Variants in IZUMO2 observed in about 807,000 individuals in gnomAD.
The protein encoded by IZUMO2 is izumo sperm-egg fusion protein 2.
A neutral mutation model predicts 31.2 loss-of-function variants in IZUMO2; 24 were observed. That is an observed-to-expected ratio of 0.77 (90% CI 0.56 to 1.08). The LOEUF (loss-of-function observed/expected upper bound fraction) is 1.08, where lower values mean the gene tolerates loss of function less well. Ranked by LOEUF, IZUMO2 falls within the 50% of genes least tolerant of loss-of-function variation. IZUMO2 has a pLI of 0.00. For missense variants in IZUMO2, 278 were observed against 274.0 expected, an observed-to-expected ratio of 1.01 and a Z score of -0.10; for synonymous variants, 144 against 117.3, an observed-to-expected ratio of 1.23 and a Z score of -1.47.
chr19:50,161,274 C>T (rs974218702), intron 2 of IZUMO2, among the ~76,000 whole-genome samples: 5 of 151,932 alleles, frequency 3.3e-5, no homozygotes, highest in Non-Finnish European at 5.9e-5. Flanking sequence ...ACAGGAGTGC[C>T]ACCATAGCTG....
At chr19:50,157,334 G>T (rs371089173) in intron 5 of IZUMO2, among the ~76,000 whole-genome samples, 5 of 143,712 alleles carry the variant, frequency 3.5e-5, no homozygotes, top group African/African-American at 1.3e-4. Context: ...ATGGAGTCTC[G>T]CATTGTCACC....
chr19:50,162,719 C>A lies in IZUMO2; in HGVS notation c.307+20G>T, dbSNP rs756968810. ...GAAAGAAGAGGGGTGCTGGAGAAGGCGTTCCCTCGTCTCTCCTACCTTTCA... is the reference window on the plus strand; with the variant it reads ...GAAAGAAGAGGGGTGCTGGAGAAGGAGTTCCCTCGTCTCTCCTACCTTTCA... On this transcript the variant is annotated intron_variant, in intron 2 of 6. Coordinates refer to ENST00000293405, the MANE Select transcript of IZUMO2 (RefSeq NM_152358.3). The A allele has an allele frequency of 3.7e-6, 6 of 1,600,150 alleles. No individual in the cohort carries two copies. The South Asian group carries it at 5.5e-5, about 15-fold the overall frequency.
chr19:50,157,200 A>C (rs528897608), intron 5 of IZUMO2, among the ~76,000 whole-genome samples: 162 of 152,252 alleles, frequency 1.1e-3, no homozygotes, highest in Non-Finnish European at 1.7e-3. Context: ...ACCCAAATGA[A>C]GTGAAGGAGT....
chr19:50,154,264 GTTTTTTTTTTTTTTTTT>G lies in IZUMO2; in HGVS notation c.623+319_623+335del, dbSNP rs71180675. Among the ~76,000 whole-genome samples the G allele has an allele frequency of 7.6e-5, 6 of 79,288 alleles. No individual in the cohort carries two copies. The East Asian group carries it at 9.6e-4, about 13-fold the overall frequency. 52.0% of individuals were successfully genotyped at this position (79,288 alleles called of 152,430 possible). A position where few individuals can be genotyped will look rare whatever the true frequency, so the allele number is the denominator to read the frequency against. ...GCATCCACCAAATATAACTTTTAGCGTTTTTTTTTTTTTTTTTTTTTTTTTTTTTTTTTAATGTAAGA... is the reference window on the plus strand; with the variant it reads ...GCATCCACCAAATATAACTTTTAGCGTTTTTTTTTTTTTTTTAATGTAAGA... On this transcript the variant is annotated intron_variant, in intron 6 of 6. Transcript: ENST00000293405.
In IZUMO2 at chr19:50,162,960, C is replaced by T. The variant is rs1304025111; in HGVS notation, c.232+3G>A. On this transcript the variant is annotated splice_donor_region_variant and intron_variant, in intron 1 of 6. Coordinates refer to ENST00000293405, the MANE Select transcript of IZUMO2 (RefSeq NM_152358.3). ...CCGCTGCCCAATTTCTCCCAACACG[C>T]ACCCACTTTCCCCACAAACACGTTC... 1.2e-6 allele frequency: 2 copies of T among 1,613,498 alleles called. No homozygotes were observed. The highest frequency in any genetic ancestry group is 2.7e-5 in the African/African-American group (2 of 74,904).
At chr19:50,162,901 T>C (rs890749603) in intron 1 of IZUMO2, 62 bp downstream of exon 1, 1 of 1,605,920 alleles carries the variant, frequency 6.2e-7, no homozygotes, top group Admixed American at 1.7e-5. Context: ...CGACCCCTCT[T>C]GGGGGCGTGG....
chr19:50,160,330 A>G (rs2030354178), intron 2 of IZUMO2: 1 of 152,220 alleles, frequency 6.6e-6, no homozygotes, highest in African/African-American at 2.4e-5. Flanking sequence ...GATTTTAAAG[A>G]CATTGTGCAA....
At chr19:50,159,190 G>A (rs1438189405) in intron 4 of IZUMO2, 40 bp downstream of exon 4, 1 of 1,601,306 alleles carries the variant, frequency 6.2e-7, no homozygotes, top group South Asian at 1.1e-5. Flanking sequence ...AAGGGGGTTA[G>A]GAGGGTAGAG....
At chr19:50,158,882 G>T (rs1444468326) in intron 4 of IZUMO2, among the ~76,000 whole-genome samples, 1 of 152,130 alleles carries the variant, frequency 6.6e-6, no homozygotes, top group African/African-American at 2.4e-5. Context: ...TGCCATGTGT[G>T]TATAGCCTGG....
In IZUMO2 at chr19:50,162,997, C is replaced by G; in HGVS notation, c.198G>C (p.Arg66=). Reference sequence around the variant, plus strand: ...CCACAAACACGTTCAGCGCGTAGTCCCGGAAGAAAGGCCCCTCCATGCCCA... The same window carrying G: ...CCACAAACACGTTCAGCGCGTAGTCGCGGAAGAAAGGCCCCTCCATGCCCA... ...VLMGMEGPFF[R]DYALNVFVGK... is the part of the protein sequence containing the mutation. Residue 66 remains arginine (R), a synonymous_variant, in exon 1 of 7, where the codon CGG becomes CGC. Transcript: ENST00000293405. 6.2e-7 allele frequency: 1 copy of G among 1,611,842 alleles called. No individual in the cohort carries two copies. Among genetic ancestry groups the G allele is most frequent in the Non-Finnish European group, 8.5e-7 (1 of 1,178,776 alleles).
intron 5 of IZUMO2, among the ~76,000 whole-genome samples, chr19:50,156,294 G>T (rs893851258): frequency 2.0e-5 from 3 of 152,044 alleles, no homozygotes; most frequent in Non-Finnish European, 4.4e-5. Flanking sequence ...TCGAAGCTAG[G>T]GATGTTGCTA....
intron 2 of IZUMO2, 35 bp downstream of exon 2, chr19:50,162,704 G>T: frequency 6.5e-7 from 1 of 1,539,094 alleles, no homozygotes; most frequent in East Asian, 2.2e-5. Flanking sequence ...GAAAGAAGAG[G>T]GGTGCTGGAG....
At chr19:50,159,033 G>A (rs972929709) in intron 4 of IZUMO2, among the ~76,000 whole-genome samples, 197 bp downstream of exon 4, 6 of 151,998 alleles carry the variant, frequency 3.9e-5, no homozygotes, top group African/African-American at 1.2e-4. Flanking sequence ...TGTGACTTAC[G>A]TACCTTCAAA....
chr19:50,156,689 C>G (rs552250507), intron 5 of IZUMO2, among the ~76,000 whole-genome samples: 8 of 151,748 alleles, frequency 5.3e-5, no homozygotes, highest in Non-Finnish European at 1.0e-4. Context: ...CTTTGGGAGG[C>G]TGAGGTGGGC....
intron 5 of IZUMO2, among the ~76,000 whole-genome samples, chr19:50,156,861 C>T (rs1775484621): frequency 1.3e-5 from 2 of 152,170 alleles, no homozygotes; most frequent in African/African-American, 2.4e-5. Context: ...TCATTGAACA[C>T]TGGTTTGAAC....
intron 2 of IZUMO2, among the ~76,000 whole-genome samples, chr19:50,162,380 C>T (rs766972063): frequency 4.6e-5 from 7 of 152,024 alleles, no homozygotes; most frequent in Non-Finnish European, 8.8e-5. Context: ...GGCTGAGACA[C>T]AAGGATTTAT....
intron 5 of IZUMO2, among the ~76,000 whole-genome samples, chr19:50,156,602 GA>G (rs779522510): frequency 0.02 from 2,844 of 144,950 alleles, 46 homozygotes; most frequent in Middle Eastern, 0.051. Flanking sequence ...GTCATGGAGG[GA>G]AAAAAAAAAA....
At chr19:50,152,729 C>A in intron 6 of IZUMO2, 78 bp from the exon 7 acceptor site, 1 of 1,213,910 alleles carries the variant, frequency 8.2e-7, no homozygotes, top group South Asian at 1.2e-5. Context: ...TAACTTCCCT[C>A]CCCATAACTT....
At chr19:50,158,714 A>G (rs2030296442) in intron 4 of IZUMO2, among the ~76,000 whole-genome samples, 1 of 152,108 alleles carries the variant, frequency 6.6e-6, no homozygotes. Context: ...TGCATACAGG[A>G]GGGCTACATT....
Sources: gnomAD v4.1 joint callset for allele counts (sites outside exome capture counted in the v4.1 genomes callset) on GRCh38, gnomAD v4.1.1 for gene constraint, MANE v1.5 for transcripts, NCBI Gene and HGNC (gene_info 2026-07-23, HGNC 2026-07-21) for gene names.